The following GABRB3 variants were observed in gnomAD, a reference collection of about 807,000 sequenced individuals.
GABRB3 encodes the protein gamma-aminobutyric acid type A receptor subunit beta3, also known as gamma-aminobutyric acid receptor subunit beta-3.
GABRB3 carries 14 observed loss-of-function variants against 52.1 expected under a neutral mutation model. That is an observed-to-expected ratio of 0.27 (90% confidence interval 0.18 to 0.42). The LOEUF is 0.42. Among genes scored for constraint, GABRB3 ranks in the 10% least tolerant of loss-of-function variants. The pLI is 1.00. For synonymous variants in GABRB3, 260 were observed against 232.3 expected, an observed-to-expected ratio of 1.12 and a Z score of -1.08; for missense variants, 307 against 609.1, an observed-to-expected ratio of 0.50 and a Z score of 5.22.
intron 4 of GABRB3, chr15:26,615,864 T>A (rs1413319948): frequency 2.4e-6 from 3 of 1,239,198 alleles, no homozygotes; most frequent in Non-Finnish European, 3.1e-6. Context: ...GTCTCAGTGA[T>A]ACAGCCAGTC....
At chr15:26,645,250 G>C (rs1236601432) in intron 3 of GABRB3, among the ~76,000 whole-genome samples, 1 of 152,134 alleles carries the variant, frequency 6.6e-6, no homozygotes. Flanking sequence ...CCCCCTCCAA[G>C]AAAAGAAAAA....
chr15:26,735,219 TAACA>T, intron 3 of GABRB3, among the ~76,000 whole-genome samples: 1 of 152,268 alleles, frequency 6.6e-6, no homozygotes, highest in African/African-American at 2.4e-5. Context: ...GAATGGCTAC[TAACA>T]AACAAAGAGA....
intron 3 of GABRB3, among the ~76,000 whole-genome samples, chr15:26,734,192 G>T (rs1385812771): frequency 6.6e-6 from 1 of 151,812 alleles, no homozygotes. Context: ...ATCACACCCA[G>T]CTAATTTTTT....
At chr15:26,750,104 C>T (rs1037671685) in intron 3 of GABRB3, 11 of 152,158 alleles carry the variant, frequency 7.2e-5, no homozygotes, top group African/African-American at 2.4e-4. Context: ...TGTCTTCACG[C>T]CTTTTGATTG....
At chr15:26,582,958 T>G (rs1271897011) in intron 5 of GABRB3, among the ~76,000 whole-genome samples, 1 of 152,140 alleles carries the variant, frequency 6.6e-6, no homozygotes, top group African/African-American at 2.4e-5. Flanking sequence ...AGCCTGCTTG[T>G]CAAGCCGAGT....
At chr15:26,672,220 C>T (rs1240841868) in intron 3 of GABRB3, among the ~76,000 whole-genome samples, 3 of 152,168 alleles carry the variant, frequency 2.0e-5, no homozygotes, top group Non-Finnish European at 4.4e-5. Flanking sequence ...GAAACTTTCT[C>T]TAAATTCTCA....
chr15:26,766,918 C>A (rs1891012756), intron 3 of GABRB3, among the ~76,000 whole-genome samples: 1 of 152,150 alleles, frequency 6.6e-6, no homozygotes, highest in South Asian at 2.1e-4. Context: ...AGCTTTACAA[C>A]CTTCCTGAGG....
chr15:26,624,431 G>A (rs571465099), intron 3 of GABRB3: 10 of 985,470 alleles, frequency 1.0e-5, no homozygotes, highest in Middle Eastern at 5.2e-4. Context: ...GAGTCCCTCC[G>A]GATGGGCTCG....
intron 3 of GABRB3, among the ~76,000 whole-genome samples, chr15:26,646,563 C>G (rs1159105206): frequency 6.6e-6 from 1 of 152,014 alleles, no homozygotes; most frequent in African/African-American, 2.4e-5. Flanking sequence ...TCTCATTCTG[C>G]TTGGGTATAT....
chr15:26,595,708 C>T (rs1891373113), intron 4 of GABRB3, among the ~76,000 whole-genome samples: 2 of 152,158 alleles, frequency 1.3e-5, no homozygotes, highest in Non-Finnish European at 2.9e-5. Context: ...CTGATTAACC[C>T]CTGTTCCAGG....
At chr15:26,757,519 A>T (rs1275397378) in intron 3 of GABRB3, among the ~76,000 whole-genome samples, 1 of 152,166 alleles carries the variant, frequency 6.6e-6, no homozygotes, top group African/African-American at 2.4e-5. Context: ...ATCCCAAACT[A>T]TCATCACTTG....
At position 26,559,725 on chromosome 15, in the gene GABRB3, G is replaced by A. The variant is rs75918482; in HGVS notation, c.1080+1207C>T. Among the ~76,000 whole-genome samples, 934 of 152,330 alleles carry A rather than the reference G, an allele frequency of 6.1e-3. 7 individuals carry two copies. Among genetic ancestry groups the A allele is most frequent in the African/African-American group, 0.021 (892 of 41,584 alleles). On this transcript the variant is annotated intron_variant, in intron 8 of 8. Transcript: ENST00000311550. ...AAAGTGGCTTTGTGGTTGGAAGGAT[G>A]TAACAGCATTGCTGAGTTGGGCTGG...
intron 3 of GABRB3, chr15:26,657,344 T>A (rs936142488): frequency 1.6e-4 from 24 of 152,250 alleles, no homozygotes; most frequent in South Asian, 1.0e-3. Context: ...TTGATAATTC[T>A]CTGACTTGAA....
At chr15:26,721,333 A>G (rs900662534) in intron 3 of GABRB3, among the ~76,000 whole-genome samples, 8 of 152,128 alleles carry the variant, frequency 5.3e-5, no homozygotes, top group African/African-American at 1.9e-4. Flanking sequence ...GGAAATCTCC[A>G]TTTGTAAGGG....
Position 26,611,118 on chromosome 15 carries a change from G to A in GABRB3, c.461+10196C>T, listed in dbSNP as rs537410088. ...TTCACAGACTATTTTAAAAAATGGC[G>A]AACAAGGAAGTAACTGGAAATGATA... On this transcript the variant is annotated intron_variant, in intron 4 of 8. Coordinates refer to ENST00000311550, the MANE Select transcript of GABRB3 (RefSeq NM_000814.6). Among the ~76,000 whole-genome samples, 21 of 152,240 alleles carry A rather than the reference G, an allele frequency of 1.4e-4. No individual in the cohort carries two copies. The East Asian group carries it at 1.7e-3, about 13-fold the overall frequency.
At chr15:26,723,191 T>C (rs779379081) in intron 3 of GABRB3, among the ~76,000 whole-genome samples, 4 of 152,194 alleles carry the variant, frequency 2.6e-5, no homozygotes, top group African/African-American at 4.8e-5. Flanking sequence ...GCAGAAGACA[T>C]CTGTCAAACT....
chr15:26,690,049 T>C (rs569837793), intron 3 of GABRB3, among the ~76,000 whole-genome samples: 11 of 151,786 alleles, frequency 7.2e-5, no homozygotes, highest in South Asian at 6.3e-4. Context: ...GTATTGGCCA[T>C]ACCCCACTAG....
At chr15:26,588,812 G>A (rs1310123884) in intron 4 of GABRB3, among the ~76,000 whole-genome samples, 1 of 152,150 alleles carries the variant, frequency 6.6e-6, no homozygotes, top group Non-Finnish European at 1.5e-5. Flanking sequence ...TAATTATAGT[G>A]ACATTTAATC....
chr15:26,616,804 T>A (rs1892273388), intron 4 of GABRB3, among the ~76,000 whole-genome samples: 1 of 152,168 alleles, frequency 6.6e-6, no homozygotes, highest in East Asian at 1.9e-4. Flanking sequence ...TCTTGGTTGA[T>A]CTTACTCTTA....
Sources: gnomAD v4.1 joint callset for allele counts (sites outside exome capture counted in the v4.1 genomes callset) on GRCh38, gnomAD v4.1.1 for gene constraint, MANE v1.5 for transcripts, NCBI Gene and HGNC (gene_info 2026-07-23, HGNC 2026-07-21) for gene names.